LNX1: variants seen among roughly 807,000 people sequenced by gnomAD.
LNX1 encodes the protein ligand of numb-protein X 1, also known as E3 ubiquitin-protein ligase LNX.
A neutral mutation model predicts 68.4 loss-of-function variants in LNX1; 54 were observed. The ratio of observed to expected loss-of-function variants is 0.79; its 90% CI spans 0.63 to 0.99. The LOEUF (loss-of-function observed/expected upper bound fraction) is 0.99, where lower values mean the gene tolerates loss of function less well. Among genes scored for constraint, LNX1 ranks in the 50% least tolerant of loss-of-function variants. The probability of loss-of-function intolerance (pLI) is 0.00; values close to 1 mark genes in which losing one functional copy is unlikely to be tolerated. For synonymous variants in LNX1, 336 were observed against 350.0 expected, an observed-to-expected ratio of 0.96 and a Z score of 0.45; for missense variants, 906 against 926.4, an observed-to-expected ratio of 0.98 and a Z score of 0.29.
intron 9 of LNX1, among the ~76,000 whole-genome samples, chr4:53,464,923 TTC>T (rs1579347078): frequency 6.6e-6 from 1 of 152,152 alleles, no homozygotes; most frequent in Non-Finnish European, 1.5e-5. Flanking sequence ...CATGAATTTC[TTC>T]TGTGTTTTTT....
At chr4:53,509,592 C>G (rs764433816) in intron 2 of LNX1, among the ~76,000 whole-genome samples, 1 of 152,062 alleles carries the variant, frequency 6.6e-6, no homozygotes, top group Non-Finnish European at 1.5e-5. Flanking sequence ...GAGGTTTGAT[C>G]GACATTAAGT....
At chr4:53,560,883 C>T (rs1367565918) in intron 2 of LNX1, among the ~76,000 whole-genome samples, 1 of 152,214 alleles carries the variant, frequency 6.6e-6, no homozygotes, top group Admixed American at 6.5e-5. Context: ...CTAATTAATA[C>T]AATCCCTTGG....
At chr4:53,554,764 A>G (rs1307082510) in intron 2 of LNX1, among the ~76,000 whole-genome samples, 1 of 151,936 alleles carries the variant, frequency 6.6e-6, no homozygotes, top group Non-Finnish European at 1.5e-5. Context: ...AGGCAGGAGA[A>G]TCACTTAAAC....
intron 2 of LNX1, among the ~76,000 whole-genome samples, chr4:53,530,259 A>G (rs78897156): frequency 0.018 from 2,765 of 152,296 alleles, 88 homozygotes; most frequent in African/African-American, 0.063. Flanking sequence ...TAAGTAAAAA[A>G]GCCTAATGAT....
At chr4:53,637,819 T>TGCTGTGTTAAAGACTAG (rs1734538152) in intron 1 of LNX1, among the ~76,000 whole-genome samples, 1 of 152,198 alleles carries the variant, frequency 6.6e-6, no homozygotes, top group Admixed American at 6.5e-5. Flanking sequence ...AGGAAATTTC[T>TGCTGTGTTAAAGACTAG]GCTGTGTTAA....
intron 1 of LNX1, among the ~76,000 whole-genome samples, chr4:53,583,349 G>C (rs1470399519): frequency 6.6e-6 from 1 of 152,182 alleles, no homozygotes; most frequent in Non-Finnish European, 1.5e-5. Context: ...GGGGTGATGT[G>C]TCTGTGTGTG....
intron 2 of LNX1, chr4:53,557,868 A>G: frequency 6.2e-7 from 1 of 1,612,730 alleles, no homozygotes; most frequent in Non-Finnish European, 8.5e-7. Context: ...CAGAGAGGGG[A>G]CTCACAGTTC....
chr4:53,630,954 AGGGCTTACCT>A (rs1234366658), intron 1 of LNX1, among the ~76,000 whole-genome samples: 1 of 152,222 alleles, frequency 6.6e-6, no homozygotes, highest in Non-Finnish European at 1.5e-5. Flanking sequence ...AGGGTGGATC[AGGGCTTACCT>A]GGTTGCAGAG....
chr4:53,516,069 T>C (rs550620010), intron 2 of LNX1, among the ~76,000 whole-genome samples: 3 of 152,194 alleles, frequency 2.0e-5, no homozygotes, highest in South Asian at 2.1e-4. Context: ...GCAGGACCCA[T>C]ATTCTACAAA....
rs1721391641 is a variant in LNX1 at position 53,459,621 on chromosome 4, A to G, written c.*1286T>C. The G allele has an allele frequency of 2.2e-6, 2 of 908,776 alleles. No individual in the cohort carries two copies. Among genetic ancestry groups the G allele is most frequent in the East Asian group, 5.1e-5 (2 of 38,894 alleles). The allele number at this position is 908,776 out of a possible 1,614,324, so 56.3% of individuals were successfully genotyped here. A position where few individuals can be genotyped will look rare whatever the true frequency, so the allele number is the denominator to read the frequency against. ...GTGAATTTTTCATGTTAAGTTAAAA[A>G]TCTTTGTCTTGTACTATTTCAAAAA... On this transcript the variant is annotated 3_prime_UTR_variant, in exon 11 of 11. Coordinates refer to ENST00000263925, the MANE Select transcript of LNX1 (RefSeq NM_001126328.3).
chr4:53,478,524 C>T, intron 8 of LNX1, 41 bp downstream of exon 8: 1 of 1,535,028 alleles, frequency 6.5e-7, no homozygotes, highest in Non-Finnish European at 8.9e-7. Flanking sequence ...TCTCTTGATT[C>T]TCTGCCACCC....
chr4:53,540,612 G>C (rs1011068063), intron 2 of LNX1, among the ~76,000 whole-genome samples: 6 of 151,818 alleles, frequency 4.0e-5, no homozygotes, highest in African/African-American at 1.5e-4. Flanking sequence ...AACCCAGGAG[G>C]GGGAGGTTGC....
At chr4:53,641,797 C>G (rs371262219) in intron 1 of LNX1, among the ~76,000 whole-genome samples, 59 of 152,304 alleles carry the variant, frequency 3.9e-4, no homozygotes, top group African/African-American at 1.1e-3. Context: ...TTTTTGGTGT[C>G]TGGCTTACTT....
At chr4:53,567,621 C>T (rs1236554227) in intron 2 of LNX1, among the ~76,000 whole-genome samples, 2 of 151,778 alleles carry the variant, frequency 1.3e-5, no homozygotes, top group South Asian at 2.1e-4. Context: ...CCAAAGCTAG[C>T]AGAAGGCAAG....
At chr4:53,525,793 G>A (rs2109595829) in intron 2 of LNX1, among the ~76,000 whole-genome samples, 1 of 152,294 alleles carries the variant, frequency 6.6e-6, no homozygotes, top group South Asian at 2.1e-4. Flanking sequence ...TCCCTTTCAG[G>A]GAGGGCACTC....
rs567653073 is a variant in LNX1 at position 53,513,308 on chromosome 4, TC to T, written c.381-5082del. On this transcript the variant is annotated intron_variant, in intron 2 of 10. Coordinates refer to ENST00000263925, the MANE Select transcript of LNX1 (RefSeq NM_001126328.3). ...TGGTCTCATTTAAGCCTCCCACTTGTCCTATTAGTTATACCACCTCACTTCA... is the reference window on the plus strand; with the variant it reads ...TGGTCTCATTTAAGCCTCCCACTTGTCTATTAGTTATACCACCTCACTTCA... Among the ~76,000 whole-genome samples, 16 of 152,230 alleles carry T rather than the reference TC, an allele frequency of 1.1e-4. No homozygotes were observed. In the South Asian group the frequency reaches 2.9e-3, roughly 28 times the overall value.
intron 2 of LNX1, among the ~76,000 whole-genome samples, chr4:53,515,785 T>G (rs1182322446): frequency 1.3e-5 from 2 of 152,176 alleles, no homozygotes; most frequent in African/African-American, 4.8e-5. Context: ...AAAAAGCACA[T>G]GCTTTCACTT....
intron 2 of LNX1, among the ~76,000 whole-genome samples, chr4:53,608,736 T>TA (rs957927712): frequency 6.6e-6 from 1 of 151,666 alleles, no homozygotes; most frequent in Non-Finnish European, 1.5e-5. Flanking sequence ...GTAGAATGGA[T>TA]AAAAAAAATG....
chr4:53,619,532 A>G (rs1733791863), upstream of LNX1, among the ~76,000 whole-genome samples: 2 of 152,142 alleles, frequency 1.3e-5, no homozygotes, highest in African/African-American at 4.8e-5. Flanking sequence ...CATGTTAGAG[A>G]AAAAAGTACT....
Sources: gnomAD v4.1 joint callset for allele counts (sites outside exome capture counted in the v4.1 genomes callset) on GRCh38, gnomAD v4.1.1 for gene constraint, MANE v1.5 for transcripts, NCBI Gene and HGNC (gene_info 2026-07-23, HGNC 2026-07-21) for gene names.